ZNF862: variants seen among roughly 807,000 people sequenced by gnomAD.
ZNF862 encodes the protein zinc finger protein 862.
A neutral mutation model predicts 91.1 loss-of-function variants in ZNF862; 64 were observed. That is an observed-to-expected ratio of 0.70 (90% confidence interval 0.57 to 0.87). The LOEUF is 0.87. ZNF862 is among the 40% of genes least tolerant of loss of function. The pLI is 0.00. For missense variants in ZNF862, 1,459 were observed against 1,528.0 expected (o/e 0.95, Z 0.75); for synonymous variants, 631 against 618.1 (o/e 1.02, Z -0.31).
chr7:149,845,064 C>T (rs534359984), intron 2 of ZNF862: 188 of 275,402 alleles, frequency 6.8e-4, no homozygotes, highest in Middle Eastern at 1.2e-3. Context: ...CTGTGGAGCC[C>T]GTAGGACACT....
intron 5 of ZNF862, among the ~76,000 whole-genome samples, chr7:149,852,958 G>A (rs1042337831): frequency 2.0e-5 from 3 of 152,208 alleles, no homozygotes; most frequent in Non-Finnish European, 2.9e-5. Context: ...GAGTGGGAGG[G>A]CCCTAAAGAA....
chr7:149,861,254 C>T lies in ZNF862; in HGVS notation c.2094C>T (p.Gly698=), dbSNP rs377345643. The T allele has an allele frequency of 4.3e-6, 7 of 1,612,056 alleles. No homozygotes were observed. The highest frequency in any genetic ancestry group is 2.5e-6 in the Non-Finnish European group (3 of 1,179,492). ...GGGTGGTGGGGCTGGGGACGGATGG[C>T]TCAGCCATGTTGAGCTGCAGAGGAG... ...PGWVVGLGTD[G]SAMLSCRGGL... Residue 698 remains glycine, a synonymous_variant, in exon 7 of 8, where the codon GGC becomes GGT. Transcript: ENST00000223210. The surrounding 1 kb of genome is among the most constrained non-coding windows in gnomAD (Gnocchi z 6.7).
rs201648736 is a variant in ZNF862 at position 149,850,251 on chromosome 7, C to T, written c.1030C>T (p.Arg344Trp). 330 of 1,613,078 alleles carry T rather than the reference C, an allele frequency of 2.0e-4. No homozygotes were observed. Among genetic ancestry groups the T allele is most frequent in the South Asian group, 3.2e-4 (29 of 90,880 alleles). ...VFEDVAVYFT[R>W]EEWGMLDKRQ... ...CGAGGATGTGGCAGTGTATTTCACC[C>T]GGGAGGAGTGGGGCATGCTAGACAA... The change falls in exon 5 of 8, where the codon CGG becomes TGG. Residue 344 changes from arginine (R) to tryptophan (W), a missense_variant. Physicochemically the swap from Arg to Trp is moderately radical, Grantham distance 101. Coordinates refer to ENST00000223210, the MANE Select transcript of ZNF862 (RefSeq NM_001099220.3). This position sits in a 1 kb window ranked among gnomAD's most constrained non-coding sequence, Gnocchi z 4.2.
chr7:149,843,023 A>G (rs542638451), intron 1 of ZNF862, among the ~76,000 whole-genome samples: 31 of 152,358 alleles, frequency 2.0e-4, no homozygotes, highest in African/African-American at 6.3e-4. Context: ...TTCATAGACT[A>G]AAGACTGGGA....
chr7:149,860,291 G>A (rs748591738), intron 6 of ZNF862, 92 bp from the exon 7 acceptor site: 2 of 1,156,768 alleles, frequency 1.7e-6, no homozygotes, highest in Non-Finnish European at 2.4e-6. Context: ...CCTTGCTTAA[G>A]GGATACTTAT....
In ZNF862 at chr7:149,861,012, G is replaced by A. The variant is rs1410054071; in HGVS notation, c.1852G>A (p.Val618Met). ...CCTGAAGAGGGAGATCCTGGAGGAC[G>A]TGCGGAACTCGCCCTGTGTGAGCGT... ...ETLKREILED[V>M]RNSPCVSVLL... The change falls in exon 7 of 8, where the codon GTG (valine) becomes ATG (methionine). Residue 618 changes from valine (V) to methionine (M), a missense_variant. Coordinates refer to ENST00000223210, the MANE Select transcript of ZNF862 (RefSeq NM_001099220.3). The surrounding 1 kb of genome is among the most constrained non-coding windows in gnomAD (Gnocchi z 6.7). 14 of 1,613,156 alleles carry A rather than the reference G, an allele frequency of 8.7e-6. No homozygotes were observed. Among genetic ancestry groups the A allele is most frequent in the Middle Eastern group, 3.3e-4 (2 of 6,062 alleles).
chr7:149,839,274 C>G (rs933451664), intron 1 of ZNF862, among the ~76,000 whole-genome samples: 1 of 152,180 alleles, frequency 6.6e-6, no homozygotes, highest in Non-Finnish European at 1.5e-5. Flanking sequence ...TCATCCAAGA[C>G]CAGTGTGGTT....
chr7:149,867,181 C>T lies in ZNF862; in HGVS notation c.*2897C>T, dbSNP rs557378935. On this transcript the variant is annotated 3_prime_UTR_variant, in exon 8 of 8. Transcript: ENST00000223210. ...TTGATCCCAATAGCCATAGCGACTC[C>T]AGGTGGGAGTGAGGGAGCCCAGCCC... 1 of 152,314 alleles carries T rather than the reference C, an allele frequency of 6.6e-6. No individual in the cohort carries two copies. Among genetic ancestry groups the T allele is most frequent in the African/African-American group, 2.4e-5 (1 of 41,538 alleles). 9.4% of individuals were successfully genotyped at this position (152,314 alleles called of 1,614,324 possible).
chr7:149,853,349 T>G (rs938018422), intron 5 of ZNF862, among the ~76,000 whole-genome samples: 4 of 152,244 alleles, frequency 2.6e-5, no homozygotes, highest in Admixed American at 1.3e-4. Flanking sequence ...TGTGGGTGTT[T>G]GTGGGTGTGT....
chr7:149,842,100 C>A (rs1035752903), intron 1 of ZNF862, among the ~76,000 whole-genome samples: 46 of 152,052 alleles, frequency 3.0e-4, no homozygotes, highest in African/African-American at 1.0e-3. Context: ...ATGCTTGGGC[C>A]AGGTGGTTAG....
In ZNF862 at chr7:149,860,954, GTGC is replaced by G; in HGVS notation, c.1795_1797del (p.Cys599del). On this transcript the variant is annotated inframe_deletion, in exon 7 of 8. Coordinates refer to ENST00000223210, the MANE Select transcript of ZNF862 (RefSeq NM_001099220.3). ...TAGGCAAGTACCGCAATCGCACGGC[GTGC>G]ACTCAGTTCATCAAGTACATCTCAG... 6.2e-7 allele frequency: 1 copy of G among 1,613,632 alleles called. No homozygotes were observed. The highest frequency in any genetic ancestry group is 1.7e-5 in the Admixed American group (1 of 59,980).
chr7:149,858,070 C>G (rs1802321983), intron 5 of ZNF862, among the ~76,000 whole-genome samples: 1 of 152,072 alleles, frequency 6.6e-6, no homozygotes, highest in Non-Finnish European at 1.5e-5. Flanking sequence ...TGGGATTGAT[C>G]AGATCTCTGT....
At position 149,847,953 on chromosome 7, in the gene ZNF862, G is replaced by T. The variant is rs746051715; in HGVS notation, c.460G>T (p.Glu154Ter). Residue 154 changes from glutamate to a stop codon, truncating the protein, a stop_gained, in exon 4 of 8, where the codon GAG becomes TAG. Transcript: ENST00000223210. LOFTEE classifies it high-confidence loss of function. ...GCAGTTTCCGTGGCTGATCATGAAT[G>T]AGGAGCAGACGGCTCTGTTCTGCTC... ...FVQFPWLIMN[E>*]EQTALFCSAC... 6.2e-7 allele frequency: 1 copy of T among 1,608,928 alleles called. No homozygotes were observed.
chr7:149,846,128 CTCT>C lies in ZNF862; in HGVS notation c.137-21_137-19del. 3 of 1,538,332 alleles carry C rather than the reference CTCT, an allele frequency of 2.0e-6. No individual in the cohort carries two copies. The highest frequency in any genetic ancestry group is 2.3e-5 in the East Asian group (1 of 43,786). On this transcript the variant is annotated intron_variant, in intron 2 of 7. Coordinates refer to ENST00000223210, the MANE Select transcript of ZNF862 (RefSeq NM_001099220.3). ...ATAGTGCTTTTCTCTCTCTCTCGCT[CTCT>C]TTTTTTTTTTTGGACTCAGGACCAA...
chr7:149,863,028 G>A (rs1236137254), intron 7 of ZNF862, among the ~76,000 whole-genome samples: 1 of 152,180 alleles, frequency 6.6e-6, no homozygotes, highest in African/African-American at 2.4e-5. Flanking sequence ...CTGTGGAGGA[G>A]GTGAGATGCG....
At chr7:149,846,638 G>A (rs995628379) in intron 3 of ZNF862, among the ~76,000 whole-genome samples, 1 of 152,144 alleles carries the variant, frequency 6.6e-6, no homozygotes, top group Non-Finnish European at 1.5e-5. Flanking sequence ...TAAGTTCTAG[G>A]GATTTATCTT....
intron 3 of ZNF862, among the ~76,000 whole-genome samples, chr7:149,847,125 G>C (rs1483837932): frequency 6.6e-6 from 1 of 152,200 alleles, no homozygotes; most frequent in East Asian, 1.9e-4. Context: ...GCTTGAAGAA[G>C]AAAGATGTGA....
chr7:149,858,288 C>G (rs947068239), intron 5 of ZNF862: 2 of 152,312 alleles, frequency 1.3e-5, no homozygotes, highest in East Asian at 3.9e-4. Context: ...GACTTGCATT[C>G]CTAATCCAAT....
chr7:149,857,599 G>C (rs1052009890), intron 5 of ZNF862, among the ~76,000 whole-genome samples: 5 of 151,964 alleles, frequency 3.3e-5, no homozygotes, highest in African/African-American at 7.3e-5. Context: ...TTATCTCTCG[G>C]TTCATTCCTG....
Sources: allele counts gnomAD v4.1 joint callset (sites outside exome capture counted in the v4.1 genomes callset), GRCh38; gene constraint gnomAD v4.1.1; non-coding constraint Gnocchi (gnomAD v3.1); transcripts MANE v1.5; gene names NCBI Gene and HGNC (gene_info 2026-07-23, HGNC 2026-07-21).